Variants in EFNA5 observed in about 807,000 individuals in gnomAD.
EFNA5 encodes the protein ephrin-A5.
EFNA5 carries 5 observed loss-of-function variants against 22.9 expected under a neutral mutation model. The observed-to-expected ratio is 0.22, with a 90% CI of 0.11 to 0.46. The LOEUF (loss-of-function observed/expected upper bound fraction) is 0.46. Among genes scored for constraint, EFNA5 ranks in the 20% least tolerant of loss-of-function variants. The pLI is 0.99. For synonymous variants in EFNA5, 113 were observed against 112.2 expected (o/e 1.01, Z -0.04); for missense variants, 237 against 293.3 (o/e 0.81, Z 1.40).
intron 1 of EFNA5, among the ~76,000 whole-genome samples, chr5:107,664,844 A>G (rs1257065838): frequency 1.3e-5 from 2 of 152,206 alleles, no homozygotes; most frequent in Non-Finnish European, 2.9e-5. Context: ...GCTTCTGAAA[A>G]GAAAATTGAT....
rs1030585146 is a variant in EFNA5 at position 107,605,010 on chromosome 5, T to G, written c.125+65479A>C. On this transcript the variant is annotated intron_variant, in intron 1 of 4. Transcript: ENST00000333274. ...GCAGCCTAAAGACAGTGGCCTAAAC[T>G]AGTTAAACTAGTTGATTCTTCATAA... 2.0e-5 allele frequency among the ~76,000 whole-genome samples: 3 copies of G among 152,122 alleles called. No individual in the cohort carries two copies. In the South Asian group the frequency reaches 6.2e-4, roughly 31 times the overall value.
intron 1 of EFNA5, among the ~76,000 whole-genome samples, chr5:107,646,405 T>C (rs1336684460): frequency 1.3e-5 from 2 of 152,188 alleles, no homozygotes; most frequent in African/African-American, 4.8e-5. Flanking sequence ...ATCATTCTCA[T>C]ATTTTAAAAA....
intron 1 of EFNA5, among the ~76,000 whole-genome samples, chr5:107,429,140 A>G (rs1344013331): frequency 6.6e-6 from 1 of 152,096 alleles, no homozygotes; most frequent in East Asian, 1.9e-4. Flanking sequence ...TGTCCACCCC[A>G]GTAGAAATAT....
intron 2 of EFNA5, among the ~76,000 whole-genome samples, chr5:107,402,214 T>C (rs1284947040): frequency 6.6e-6 from 1 of 152,022 alleles, no homozygotes; most frequent in Non-Finnish European, 1.5e-5. Context: ...AACATGAAAA[T>C]ATAGAAAAGA....
intron 1 of EFNA5, among the ~76,000 whole-genome samples, chr5:107,572,437 C>A (rs163961): frequency 0.8 from 122,023 of 152,016 alleles, 52,312 homozygotes; most frequent in Non-Finnish European, 0.98. Flanking sequence ...TACAAACCTG[C>A]TTGCTGCTTT....
At chr5:107,436,898 C>T (rs1749124865) in intron 1 of EFNA5, among the ~76,000 whole-genome samples, 1 of 152,040 alleles carries the variant, frequency 6.6e-6, no homozygotes, top group African/African-American at 2.4e-5. Flanking sequence ...GAATTTCAGG[C>T]TATTCACAGT....
At chr5:107,559,250 C>T (rs1352329726) in intron 1 of EFNA5, among the ~76,000 whole-genome samples, 2 of 152,208 alleles carry the variant, frequency 1.3e-5, no homozygotes, top group Non-Finnish European at 1.5e-5. Context: ...GCCTCCAAAA[C>T]CCTTCTTCAT....
At chr5:107,561,832 T>C (rs1748551424) in intron 1 of EFNA5, among the ~76,000 whole-genome samples, 1 of 152,236 alleles carries the variant, frequency 6.6e-6, no homozygotes, top group Non-Finnish European at 1.5e-5. Context: ...TAGTTTATAA[T>C]TTTTATTCCA....
chr5:107,495,530 A>G (rs1349471502), intron 1 of EFNA5, among the ~76,000 whole-genome samples: 1 of 152,254 alleles, frequency 6.6e-6, no homozygotes, highest in East Asian at 1.9e-4. Flanking sequence ...GTCATGACTT[A>G]GGCAGTAAGC....
intron 1 of EFNA5, among the ~76,000 whole-genome samples, chr5:107,659,513 T>C (rs2112559114): frequency 1.3e-5 from 2 of 150,532 alleles, no homozygotes; most frequent in South Asian, 4.2e-4. Context: ...TTTTTTTTTT[T>C]TTAGTTTCCT....
chr5:107,559,915 C>T (rs897439142), intron 1 of EFNA5, among the ~76,000 whole-genome samples: 1 of 152,106 alleles, frequency 6.6e-6, no homozygotes, highest in African/African-American at 2.4e-5. Flanking sequence ...TACTTTGAAA[C>T]AAGGATTGGG....
chr5:107,431,784 C>T (rs951566177), intron 1 of EFNA5, among the ~76,000 whole-genome samples: 3 of 152,178 alleles, frequency 2.0e-5, no homozygotes, highest in Non-Finnish European at 4.4e-5. Context: ...ATATTTGCTG[C>T]ATCCAGGATC....
intron 1 of EFNA5, among the ~76,000 whole-genome samples, chr5:107,522,574 ATAAAT>A (rs1436487448): frequency 6.6e-6 from 1 of 152,156 alleles, no homozygotes; most frequent in African/African-American, 2.4e-5. Flanking sequence ...AATTTTAAAA[ATAAAT>A]TATTTATTTT....
chr5:107,454,701 T>C (rs1276466062), intron 1 of EFNA5, among the ~76,000 whole-genome samples: 1 of 152,202 alleles, frequency 6.6e-6, no homozygotes, highest in Non-Finnish European at 1.5e-5. Context: ...ATTTGGTTCC[T>C]GTGAGAATGT....
At chr5:107,432,898 A>G (rs539666135) in intron 1 of EFNA5, among the ~76,000 whole-genome samples, 2 of 152,318 alleles carry the variant, frequency 1.3e-5, no homozygotes, top group Admixed American at 6.5e-5. Flanking sequence ...AGTCTACTCA[A>G]TGTGAAGACA....
chr5:107,479,285 T>C (rs947290836), intron 1 of EFNA5, among the ~76,000 whole-genome samples: 1 of 152,108 alleles, frequency 6.6e-6, no homozygotes, highest in Non-Finnish European at 1.5e-5. Flanking sequence ...GGGGTAAATA[T>C]GTAAGCAAGT....
At chr5:107,554,779 A>G (rs865964893) in intron 1 of EFNA5, among the ~76,000 whole-genome samples, 16 of 152,354 alleles carry the variant, frequency 1.1e-4, no homozygotes, top group Middle Eastern at 3.4e-3. Context: ...CTTTGCAGAT[A>G]GGAAAACCGA....
rs565780956 is a variant in EFNA5, at chr5:107,413,653, A to G, written c.418+13564T>C. Among the ~76,000 whole-genome samples the G allele has an allele frequency of 8.5e-5, 13 of 152,258 alleles. No individual in the cohort carries two copies. The South Asian group carries it at 2.7e-3, about 32-fold the overall frequency. ...ATGTGGCTTTCTGATTCTTATCCTAACACAGCTTGCCACTTTGAAAAAGAA... is the reference window on the plus strand; with the variant it reads ...ATGTGGCTTTCTGATTCTTATCCTAGCACAGCTTGCCACTTTGAAAAAGAA... On this transcript the variant is annotated intron_variant, in intron 2 of 4. Coordinates refer to ENST00000333274, the MANE Select transcript of EFNA5 (RefSeq NM_001962.3).
At chr5:107,453,874 G>A (rs79643122) in intron 1 of EFNA5, among the ~76,000 whole-genome samples, 1 of 152,082 alleles carries the variant, frequency 6.6e-6, no homozygotes, top group South Asian at 2.1e-4. Context: ...TCCCCTGATT[G>A]TGACGGTTTT....
Sources: allele counts gnomAD v4.1 joint callset (sites outside exome capture counted in the v4.1 genomes callset), GRCh38; gene constraint gnomAD v4.1.1; transcripts MANE v1.5; gene names NCBI Gene and HGNC (gene_info 2026-07-23, HGNC 2026-07-21).